The following CYSLTR1 variants were observed in gnomAD, a reference collection of about 807,000 sequenced individuals.
The protein encoded by CYSLTR1 is cysteinyl leukotriene receptor 1, also known as G-protein coupled receptor HG55.
Under a neutral mutation model 2.1 loss-of-function variants are expected in CYSLTR1, and 1 was observed. The ratio of observed to expected loss-of-function variants is 0.48; its 90% confidence interval spans 0.17 to 2.28. The LOEUF (loss-of-function observed/expected upper bound fraction) is 2.28, where lower values mean the gene tolerates loss of function less well. Ranked by LOEUF, CYSLTR1 falls within the 30% of genes most tolerant of loss-of-function variation. The probability of loss-of-function intolerance (pLI) is 0.26; values close to 1 mark genes in which losing one functional copy is unlikely to be tolerated. For synonymous variants in CYSLTR1, 110 were observed against 89.6 expected (o/e 1.23, Z -1.28); for missense variants, 299 against 250.1 (o/e 1.20, Z -1.32).
chrX:78,326,316 A>C (rs1401485561), intron 1 of CYSLTR1, among the ~76,000 whole-genome samples: 1 of 112,527 alleles, frequency 8.9e-6, no homozygotes, highest in Non-Finnish European at 1.9e-5. Context: ...AATGTAATAC[A>C]GTCCTTTGTA....
At chrX:78,324,943 A>G (rs1923813149) in intron 1 of CYSLTR1, among the ~76,000 whole-genome samples, 2 of 111,423 alleles carry the variant, frequency 1.8e-5, no homozygotes, top group African/African-American at 6.5e-5. Context: ...TATATTTTAA[A>G]AACGTGATTT....
intron 1 of CYSLTR1, among the ~76,000 whole-genome samples, chrX:78,308,726 T>C (rs1298526105): frequency 1.8e-5 from 2 of 112,176 alleles, no homozygotes; most frequent in Admixed American, 1.9e-4. Flanking sequence ...TCCATTTATG[T>C]ACTTGGCTTA....
intron 1 of CYSLTR1, among the ~76,000 whole-genome samples, chrX:78,324,717 T>C (rs1437653903): frequency 8.9e-6 from 1 of 112,154 alleles, no homozygotes; most frequent in Non-Finnish European, 1.9e-5. Flanking sequence ...CTGACTAATC[T>C]ATCTTTTGTA....
rs1171171239 is a variant in CYSLTR1 at position 78,271,769 on chromosome X, T to C, written c.*964A>G. On this transcript the variant is annotated 3_prime_UTR_variant, in exon 3 of 3. Coordinates refer to ENST00000373304, the MANE Select transcript of CYSLTR1 (RefSeq NM_006639.4). ...AATCTCTTACATATAGTTGTATACATATACATAAATGTATGCACTTCTTAA... is the reference window on the plus strand; with the variant it reads ...AATCTCTTACATATAGTTGTATACACATACATAAATGTATGCACTTCTTAA... 5.3e-5 allele frequency: 6 copies of C among 112,649 alleles called. No homozygotes were observed. Among genetic ancestry groups the C allele is most frequent in the Admixed American group, 4.7e-4 (5 of 10,599 alleles). The allele number at this position is 112,649 out of a possible 1,213,427, so 9.3% of individuals were successfully genotyped here.
At chrX:78,307,772 G>A (rs1225060059) in intron 1 of CYSLTR1, among the ~76,000 whole-genome samples, 1 of 111,629 alleles carries the variant, frequency 9.0e-6, no homozygotes, top group Non-Finnish European at 1.9e-5. Context: ...CCCTAAGAGT[G>A]GCAGCAGCAG....
At chrX:78,292,385 C>A (rs776117274) in intron 1 of CYSLTR1, among the ~76,000 whole-genome samples, 30 of 112,011 alleles carry the variant, frequency 2.7e-4, no homozygotes, top group African/African-American at 9.4e-4. Flanking sequence ...TGCTTTACTT[C>A]CAATTATGCA....
At chrX:78,276,671 T>A (rs975332567) in intron 2 of CYSLTR1, among the ~76,000 whole-genome samples, 1 of 110,995 alleles carries the variant, frequency 9.0e-6, no homozygotes, top group Non-Finnish European at 1.9e-5. Context: ...CAAGAACTTT[T>A]GGCATAAGAT....
At chrX:78,307,252 T>A (rs1923062789) in intron 1 of CYSLTR1, among the ~76,000 whole-genome samples, 1 of 111,842 alleles carries the variant, frequency 8.9e-6, no homozygotes, top group South Asian at 3.7e-4. Flanking sequence ...CTCCGAGGCT[T>A]AAGGTCCTTT....
intron 1 of CYSLTR1, among the ~76,000 whole-genome samples, chrX:78,298,608 C>T (rs984308156): frequency 9.0e-6 from 1 of 111,407 alleles, no homozygotes; most frequent in Admixed American, 9.5e-5. Context: ...GCTGAATTGA[C>T]CCATTTAAGA....
chrX:78,272,574 T>C lies in CYSLTR1; in HGVS notation c.*159A>G. On this transcript the variant is annotated 3_prime_UTR_variant, in exon 3 of 3. Transcript: ENST00000373304. ...TTAGCACTTAAAATATCTATAAATA[T>C]CTAATCATGTGGATGCATAAATGAG... The C allele has an allele frequency of 2.3e-6, 1 of 442,236 alleles. No individual in the cohort carries two copies. The highest frequency in any genetic ancestry group is 3.5e-6 in the Non-Finnish European group (1 of 285,953). The allele number at this position is 442,236 out of a possible 1,213,427, so 36.4% of individuals were successfully genotyped here. A position where few individuals can be genotyped will look rare whatever the true frequency, so the allele number is the denominator to read the frequency against.
chrX:78,299,387 G>A (rs1922717100), intron 1 of CYSLTR1, among the ~76,000 whole-genome samples: 1 of 110,791 alleles, frequency 9.0e-6, no homozygotes, highest in South Asian at 3.7e-4. Context: ...AGTAAGTTTT[G>A]TACATTCAAG....
intron 1 of CYSLTR1, among the ~76,000 whole-genome samples, chrX:78,292,122 C>G (rs1212721649): frequency 9.0e-6 from 1 of 111,707 alleles, no homozygotes; most frequent in Admixed American, 9.5e-5. Context: ...ATAAATTTTC[C>G]TCTACAAACT....
chrX:78,280,246 A>G (rs1295374796), intron 2 of CYSLTR1, among the ~76,000 whole-genome samples: 1 of 111,499 alleles, frequency 9.0e-6, no homozygotes, highest in Non-Finnish European at 1.9e-5. Context: ...GTAGTTGTGG[A>G]AGAAAAAAAA....
At chrX:78,317,268 T>C (rs1056843577) in intron 1 of CYSLTR1, among the ~76,000 whole-genome samples, 1 of 112,117 alleles carries the variant, frequency 8.9e-6, no homozygotes, top group East Asian at 2.8e-4. Context: ...GAAATGCAAA[T>C]TAAAACCACA....
At chrX:78,278,848 C>A (rs1359191226) in intron 2 of CYSLTR1, among the ~76,000 whole-genome samples, 1 of 111,941 alleles carries the variant, frequency 8.9e-6, no homozygotes, top group Non-Finnish European at 1.9e-5. Flanking sequence ...CAGTAACAAG[C>A]CATGGAGAAG....
At chrX:78,308,025 T>C (rs934200897) in intron 1 of CYSLTR1, among the ~76,000 whole-genome samples, 1 of 110,134 alleles carries the variant, frequency 9.1e-6, no homozygotes, top group South Asian at 3.9e-4. Context: ...GGGAGGTTTT[T>C]GTAGTGCTGA....
chrX:78,296,708 T>G (rs769714429), intron 1 of CYSLTR1, among the ~76,000 whole-genome samples: 4 of 111,728 alleles, frequency 3.6e-5, no homozygotes, highest in Non-Finnish European at 7.5e-5. Context: ...TGTTGGCTTA[T>G]AGAAATGCTA....
chrX:78,300,099 A>C (rs989850406), intron 1 of CYSLTR1, among the ~76,000 whole-genome samples: 1 of 112,118 alleles, frequency 8.9e-6, no homozygotes, highest in Non-Finnish European at 1.9e-5. Flanking sequence ...ATTCTTCAAC[A>C]TGTCTATTTC....
intron 1 of CYSLTR1, among the ~76,000 whole-genome samples, chrX:78,289,806 G>A (rs770004722): frequency 1.8e-5 from 2 of 111,600 alleles, no homozygotes; most frequent in Non-Finnish European, 3.8e-5. Context: ...TTTTTGATGG[G>A]GTTGTTTATT....
Sources: gnomAD v4.1 joint callset for allele counts (sites outside exome capture counted in the v4.1 genomes callset) on GRCh38, gnomAD v4.1.1 for gene constraint, MANE v1.5 for transcripts, NCBI Gene and HGNC (gene_info 2026-07-23, HGNC 2026-07-21) for gene names.